The following SYNPO2L variants were observed in gnomAD, a reference collection of about 807,000 sequenced individuals.
SYNPO2L encodes the protein synaptopodin 2 like, also known as synaptopodin 2-like protein.
SYNPO2L carries 34 observed loss-of-function variants against 47.5 expected under a neutral mutation model. The ratio of observed to expected loss-of-function variants is 0.72; its 90% CI spans 0.54 to 0.95. The LOEUF (loss-of-function observed/expected upper bound fraction) is 0.95, where lower values mean the gene tolerates loss of function less well. Ranked by LOEUF, SYNPO2L falls within the 40% of genes least tolerant of loss-of-function variation. SYNPO2L has a pLI of 0.00. For missense variants in SYNPO2L, 1,246 were observed against 1,282.0 expected (o/e 0.97, Z 0.43); for synonymous variants, 536 against 524.9 (o/e 1.02, Z -0.29).
Position 73,645,468 on chromosome 10 carries a change from C to T in SYNPO2L, c.*1250G>A, listed in dbSNP as rs2081736944. The T allele has an allele frequency of 1.0e-6, 1 of 991,672 alleles. No homozygotes were observed. The highest frequency in any genetic ancestry group is 1.7e-5 in the African/African-American group (1 of 57,236). The allele number at this position is 991,672 out of a possible 1,614,324, so 61.4% of individuals were successfully genotyped here. ...GCTCTCTTCTCCTTTCTCTCAAGCT[C>T]ATGAGGCAATGAAGCCAATGATTTG... On this transcript the variant is annotated 3_prime_UTR_variant, in exon 4 of 4. Transcript: ENST00000394810.
chr10:73,646,004 T>C lies in SYNPO2L; in HGVS notation c.*714A>G. 1.1e-6 allele frequency: 1 copy of C among 908,510 alleles called. No homozygotes were observed. Among genetic ancestry groups the C allele is most frequent in the Non-Finnish European group, 1.3e-6 (1 of 759,582 alleles). The allele number at this position is 908,510 out of a possible 1,614,324, so 56.3% of individuals were successfully genotyped here. On this transcript the variant is annotated 3_prime_UTR_variant, in exon 4 of 4. Coordinates refer to ENST00000394810, the MANE Select transcript of SYNPO2L (RefSeq NM_001114133.3). ...CACGCCCAGCTAATTTTTTGTATTTTTAGTGGAAATGGGGTTTCACCGTGT... is the reference window on the plus strand; with the variant it reads ...CACGCCCAGCTAATTTTTTGTATTTCTAGTGGAAATGGGGTTTCACCGTGT...
chr10:73,655,431 A>G lies in SYNPO2L; in HGVS notation c.105+387T>C, dbSNP rs181530071. ...AGGCTGTTCGAGGCAGTTTCAGTTCATCACATATCAGTTTAGTCAGAGAGA... is the reference window on the plus strand; with the variant it reads ...AGGCTGTTCGAGGCAGTTTCAGTTCGTCACATATCAGTTTAGTCAGAGAGA... On this transcript the variant is annotated intron_variant, in intron 1 of 3. Coordinates refer to ENST00000394810, the MANE Select transcript of SYNPO2L (RefSeq NM_001114133.3). 1.2e-4 allele frequency among the ~76,000 whole-genome samples: 18 copies of G among 152,248 alleles called. No individual in the cohort carries two copies. The East Asian group carries it at 3.5e-3, about 29-fold the overall frequency.
rs570540782 is a variant in SYNPO2L, at chr10:73,648,453, G to T, written c.1199C>A (p.Ser400Tyr). Residue 400 changes from serine (S) to tyrosine (Y), a missense_variant, in exon 4 of 4, where the codon TCC becomes TAC. Physicochemically the swap from Ser to Tyr is moderately radical, Grantham distance 144. Transcript: ENST00000394810. ...LFEQQRQRAD[S>Y]STQELARVEP... ...GACCCGTGCCAGTTCCTGGGTGCTG[G>T]AGTCTGCGCGCTGGCGCTGCTGTTC... 1.2e-5 allele frequency: 20 copies of T among 1,610,666 alleles called. No homozygotes were observed. Among genetic ancestry groups the T allele is most frequent in the Non-Finnish European group, 1.6e-5 (19 of 1,179,856 alleles).
In SYNPO2L at chr10:73,647,945, AGC is replaced by A; in HGVS notation, c.1705_1706del (p.Ala569SerfsTer3). On this transcript the variant is annotated frameshift_variant, in exon 4 of 4. Transcript: ENST00000394810. LOFTEE classifies it high-confidence loss of function. ...VTPGGAPEPP[A>X]PPSAAAMTST... ...AGGTCATGGCAGCTGCGCTAGGAGG[AGC>A]GGGGGGCTCTGGAGCTCCACCTGGG... 6.5e-7 allele frequency: 1 copy of A among 1,530,752 alleles called. No individual in the cohort carries two copies. The highest frequency in any genetic ancestry group is 1.3e-5 in the South Asian group (1 of 76,854). 94.8% of individuals were successfully genotyped at this position (1,530,752 alleles called of 1,614,324 possible).
In SYNPO2L at chr10:73,648,081, C is replaced by A. The variant is rs779548300; in HGVS notation, c.1571G>T (p.Gly524Val). Residue 524 changes from glycine to valine, a missense_variant, in exon 4 of 4, where the codon GGG (glycine) becomes GTG (valine). Gly to Val is a moderately radical substitution (Grantham distance 109, BLOSUM62 -3). Coordinates refer to ENST00000394810, the MANE Select transcript of SYNPO2L (RefSeq NM_001114133.3). ...AGAGACTGGCGCGTGGCTGGGAACC[C>A]CTGAAGTGAAGCTGGGCAGAGGGGT... The part of the protein sequence containing the change: ...GPTPLPSFTS[G>V]VPSHAPVSGS... 5.1e-6 allele frequency: 8 copies of A among 1,573,990 alleles called. No homozygotes were observed. In the South Asian group the frequency reaches 8.3e-5, roughly 16 times the overall value.
In SYNPO2L at chr10:73,647,723, C is replaced by T. The variant is rs200312652; in HGVS notation, c.1929G>A (p.Glu643=). ...RKQMFRPGKE[E]TKNSPNPELL... ...GCTCGGGGTTGGGCGAGTTCTTCGTCTCCTCCTTTCCCGGCCGGAACATCT... is the reference window on the plus strand; with the variant it reads ...GCTCGGGGTTGGGCGAGTTCTTCGTTTCCTCCTTTCCCGGCCGGAACATCT... The change falls in exon 4 of 4, where the codon GAG becomes GAA. Residue 643 remains glutamate (E), a synonymous_variant. Transcript: ENST00000394810. 1.3e-5 allele frequency: 21 copies of T among 1,614,124 alleles called. No homozygotes were observed. The East Asian group carries it at 3.8e-4, about 29-fold the overall frequency.
chr10:73,647,019 G>T lies in SYNPO2L; in HGVS notation c.2633C>A (p.Ser878Tyr), dbSNP rs745419706. ...PPTPGPIASG[S>Y]PKTARVQEIR... ...CTCCTGGACTCGGGCAGTTTTGGGG[G>T]ACCCTGAGGCGATAGGGCCAGGAGT... is the stretch of plus-strand genomic sequence containing the variant. Residue 878 changes from serine to tyrosine, a missense_variant, in exon 4 of 4, where the codon TCC becomes TAC. By Grantham distance (144) the Ser-to-Tyr change is moderately radical. Around this residue, in one of 3 missense-constraint regions of SYNPO2L, gnomAD observed 1,037 missense variants for 1,021.5 expected, o/e 1.02. Coordinates refer to ENST00000394810, the MANE Select transcript of SYNPO2L (RefSeq NM_001114133.3). The T allele has an allele frequency of 3.7e-6, 6 of 1,613,588 alleles. No individual in the cohort carries two copies.
intron 3 of SYNPO2L, chr10:73,649,980 T>C (rs2081826500): frequency 4.1e-5 from 40 of 985,274 alleles, no homozygotes; most frequent in Non-Finnish European, 4.6e-5. Context: ...TGTCTCTACG[T>C]AGAGAGCTCA....
chr10:73,647,287 G>GACTT lies in SYNPO2L; in HGVS notation c.2361_2364dup (p.Pro789LysfsTer43). On this transcript the variant is annotated frameshift_variant, in exon 4 of 4. Transcript: ENST00000394810. LOFTEE classifies it high-confidence loss of function. ...GGGGGCAGAGACGGGGTAGGAGAAG[G>GACTT]ACTTCTAGGCCGAGGGCCAAGACCA... The GACTT allele has an allele frequency of 1.2e-6, 2 of 1,614,096 alleles. No individual in the cohort carries two copies. Among genetic ancestry groups the GACTT allele is most frequent in the Admixed American group, 3.3e-5 (2 of 60,020 alleles).
rs988155847 is a variant in SYNPO2L at position 73,650,367 on chromosome 10, A to G, written c.773-1488T>C. The G allele has an allele frequency of 4.7e-6, 3 of 639,822 alleles. No individual in the cohort carries two copies. In the African/African-American group the frequency reaches 5.9e-5, roughly 13 times the overall value. 39.6% of individuals were successfully genotyped at this position (639,822 alleles called of 1,614,324 possible). ...AGAATAGTGGTATGGATGAGACAAC[A>G]GGCCCTAGAGTCAGAGTTCAGTTCA... On this transcript the variant is annotated intron_variant, in intron 3 of 3. Transcript: ENST00000394810.
In SYNPO2L at chr10:73,648,031, A is replaced by G. The variant is rs1286099757; in HGVS notation, c.1621T>C (p.Ser541Pro). The G allele has an allele frequency of 1.3e-6, 2 of 1,590,218 alleles. No individual in the cohort carries two copies. The highest frequency in any genetic ancestry group is 1.7e-6 in the Non-Finnish European group (2 of 1,169,270). The change falls in exon 4 of 4, where the codon TCG becomes CCG. Residue 541 changes from serine (S) to proline (P), a missense_variant. By Grantham distance (74) the Ser-to-Pro change is moderately conservative. Transcript: ENST00000394810. Reference protein sequence around the residue: ...VSGSPSTPRSSGPVTATSSLY... With the variant: ...VSGSPSTPRSPGPVTATSSLY... Reference sequence around the variant, plus strand: ...GAGCTGGTGGCTGTCACAGGGCCCGAGGAGCGTGGGGTGCTGGGGGAACCA... The same window carrying G: ...GAGCTGGTGGCTGTCACAGGGCCCGGGGAGCGTGGGGTGCTGGGGGAACCA...
chr10:73,646,104 G>T lies in SYNPO2L; in HGVS notation c.*614C>A, dbSNP rs146617579. On this transcript the variant is annotated 3_prime_UTR_variant, in exon 4 of 4. Coordinates refer to ENST00000394810, the MANE Select transcript of SYNPO2L (RefSeq NM_001114133.3). ...CTCCCAAAGTGCTGGGATTACCGGC[G>T]TGAGCCACCGTGCCCGGCCTCAGAT... 4 of 985,632 alleles carry T rather than the reference G, an allele frequency of 4.1e-6. No individual in the cohort carries two copies. The African/African-American group carries it at 7.0e-5, about 17-fold the overall frequency. 61.1% of individuals were successfully genotyped at this position (985,632 alleles called of 1,614,324 possible). A position where few individuals can be genotyped will look rare whatever the true frequency, so the allele number is the denominator to read the frequency against.
rs539971395 is a variant in SYNPO2L at position 73,651,776 on chromosome 10, T to G, written c.772+1363A>C. ...ACTTGCAAATGTCAAAGGTGCCTGC[T>G]ATTAATACTATAAAGAATCCTTTGG... On this transcript the variant is annotated intron_variant, in intron 3 of 3. Coordinates refer to ENST00000394810, the MANE Select transcript of SYNPO2L (RefSeq NM_001114133.3). 6.6e-5 allele frequency among the ~76,000 whole-genome samples: 10 copies of G among 152,252 alleles called. No homozygotes were observed. In the East Asian group the frequency reaches 1.7e-3, roughly 26 times the overall value.
rs1022453214 is a variant in SYNPO2L at position 73,648,405 on chromosome 10, C to T, written c.1247G>A (p.Gly416Glu). The change falls in exon 4 of 4, where the codon GGG (glycine) becomes GAG (glutamate). Residue 416 changes from glycine to glutamate, a missense_variant. Coordinates refer to ENST00000394810, the MANE Select transcript of SYNPO2L (RefSeq NM_001114133.3). ...ARVEPAAMLN[G>E]EGLQSPPRAQ... ...CCGAGGTGGTGACTGCAGGCCTTCC[C>T]CGTTGAGCATGGCTGCTGGTTCGAC... The T allele has an allele frequency of 3.7e-6, 6 of 1,607,602 alleles. No homozygotes were observed. Among genetic ancestry groups the T allele is most frequent in the Non-Finnish European group, 5.1e-6 (6 of 1,179,800 alleles).
chr10:73,651,193 C>T (rs935688429), intron 3 of SYNPO2L, among the ~76,000 whole-genome samples: 1 of 152,182 alleles, frequency 6.6e-6, no homozygotes, highest in African/African-American at 2.4e-5. Context: ...GGGCACCTGC[C>T]TTCCCTTCCC....
Position 73,648,602 on chromosome 10 carries a change from AGATT to A in SYNPO2L, c.1046_1049del (p.Gln349LeufsTer31). On this transcript the variant is annotated frameshift_variant, in exon 4 of 4. Coordinates refer to ENST00000394810, the MANE Select transcript of SYNPO2L (RefSeq NM_001114133.3). LOFTEE classifies it low-confidence loss of function (END_TRUNC). ...TGTCCAGATAGGGACTGTCCCAGTCAGATTGATTGGTGAGGCTGCGGGCGTCAGA... is the reference window on the plus strand; with the variant it reads ...TGTCCAGATAGGGACTGTCCCAGTCAGATTGGTGAGGCTGCGGGCGTCAGA... 6.2e-7 allele frequency: 1 copy of A among 1,614,032 alleles called. No individual in the cohort carries two copies. The highest frequency in any genetic ancestry group is 8.5e-7 in the Non-Finnish European group (1 of 1,179,918).
chr10:73,648,483 A>T lies in SYNPO2L; in HGVS notation c.1169T>A (p.Leu390His). The change falls in exon 4 of 4, where the codon CTC becomes CAC. Residue 390 changes from leucine (L) to histidine (H), a missense_variant. Coordinates refer to ENST00000394810, the MANE Select transcript of SYNPO2L (RefSeq NM_001114133.3). ...LSEVSGRGVQLFEQQRQRADS... is the reference protein window; with the variant it reads ...LSEVSGRGVQHFEQQRQRADS... ...TGCGCGCTGGCGCTGCTGTTCAAAGAGCTGCACCCCTCGCCCAGAGACCTC... is the reference window on the plus strand; with the variant it reads ...TGCGCGCTGGCGCTGCTGTTCAAAGTGCTGCACCCCTCGCCCAGAGACCTC... 1 of 1,613,162 alleles carries T rather than the reference A, an allele frequency of 6.2e-7. No homozygotes were observed. The highest frequency in any genetic ancestry group is 8.5e-7 in the Non-Finnish European group (1 of 1,179,840).
chr10:73,650,770 C>T, intron 3 of SYNPO2L: 3 of 1,331,376 alleles, frequency 2.3e-6, no homozygotes, highest in East Asian at 5.8e-5. Flanking sequence ...CAGTGAAACT[C>T]TCCTGAGAAA....
chr10:73,655,607 G>A (rs12257559), intron 1 of SYNPO2L, among the ~76,000 whole-genome samples: 18,189 of 151,748 alleles, frequency 0.12, 2,518 homozygotes, highest in African/African-American at 0.32. Flanking sequence ...CCTGGAAACC[G>A]CGAATTCTCT....
Sources: allele counts gnomAD v4.1 joint callset (sites outside exome capture counted in the v4.1 genomes callset), GRCh38; gene constraint gnomAD v4.1.1; regional missense constraint gnomAD v4.1.1; transcripts MANE v1.5; gene names NCBI Gene and HGNC (gene_info 2026-07-23, HGNC 2026-07-21).